The following FAT4 variants were observed in gnomAD, a reference collection of about 807,000 sequenced individuals.
The protein encoded by FAT4 is protocadherin Fat 4.
FAT4 carries 84 observed loss-of-function variants against 303.9 expected under a neutral mutation model. The observed-to-expected ratio is 0.28, with a 90% CI of 0.23 to 0.33. FAT4 has a LOEUF of 0.33. Among genes scored for constraint, FAT4 ranks in the 10% least tolerant of loss-of-function variants. FAT4 has a pLI of 1.00. For synonymous variants in FAT4, 2,307 were observed against 2,298.8 expected (o/e 1.00, Z -0.10); for missense variants, 6,005 against 6,146.8 (o/e 0.98, Z 0.77).
At chr4:125,371,906 A>G (rs1451262817) in intron 2 of FAT4, among the ~76,000 whole-genome samples, 2 of 152,108 alleles carry the variant, frequency 1.3e-5, no homozygotes, top group East Asian at 3.9e-4. Context: ...CAACTGCTCT[A>G]TTCCATCAGG....
intron 15 of FAT4, among the ~76,000 whole-genome samples, chr4:125,480,162 G>T (rs1221393994): frequency 1.3e-5 from 2 of 151,928 alleles, no homozygotes; most frequent in Non-Finnish European, 2.9e-5. Flanking sequence ...CAATCTAAAA[G>T]ATCAAAGGTT....
intron 2 of FAT4, among the ~76,000 whole-genome samples, chr4:125,379,846 T>C (rs1431858582): frequency 6.6e-6 from 1 of 151,888 alleles, no homozygotes; most frequent in Non-Finnish European, 1.5e-5. Flanking sequence ...CACACATATA[T>C]ATGTATACAT....
At chr4:125,409,883 A>G (rs938630630) in intron 5 of FAT4, among the ~76,000 whole-genome samples, 1 of 152,184 alleles carries the variant, frequency 6.6e-6, no homozygotes, top group African/African-American at 2.4e-5. Flanking sequence ...TCTCATCAAT[A>G]TATAAAACAA....
In FAT4 at chr4:125,415,196, A is replaced by G; in HGVS notation, c.6233A>G (p.Asp2078Gly). ...VVFKAQATDP[D>G]SGPNSYIEYT... The stretch of plus-strand genomic sequence containing the variant: ...TTCAAAGCTCAAGCAACTGACCCAG[A>G]TAGTGGCCCAAACAGCTATATTGAG... Residue 2078 changes from aspartate (D) to glycine (G), a missense_variant, in exon 6 of 18, where the codon GAT (aspartate) becomes GGT (glycine). Physicochemically the swap from Asp to Gly is moderately conservative, Grantham distance 94. Coordinates refer to ENST00000394329, the MANE Select transcript of FAT4 (RefSeq NM_001291303.3). 6.2e-7 allele frequency: 1 copy of G among 1,614,126 alleles called. No individual in the cohort carries two copies. The highest frequency in any genetic ancestry group is 8.5e-7 in the Non-Finnish European group (1 of 1,179,996).
chr4:125,428,156 A>T (rs1848579), intron 7 of FAT4, among the ~76,000 whole-genome samples: 1 of 151,996 alleles, frequency 6.6e-6, no homozygotes, highest in Non-Finnish European at 1.5e-5. Context: ...AAATTAGCCA[A>T]GTATGGTGAC....
Position 125,451,088 on chromosome 4 carries a change from T to A in FAT4, c.10078T>A (p.Ser3360Thr). ...TAAGAAGACTGGACAGATTTATGTT[T>A]CTGGAATTCTTGATCGAGAAAAAGA... ...INKKTGQIYV[S>T]GILDREKEER... is the part of the protein sequence containing the mutation. Residue 3360 changes from serine to threonine, a missense_variant, in exon 10 of 18, where the codon TCT becomes ACT. Transcript: ENST00000394329. 1 of 1,614,130 alleles carries A rather than the reference T, an allele frequency of 6.2e-7. No individual in the cohort carries two copies. Among genetic ancestry groups the A allele is most frequent in the Non-Finnish European group, 8.5e-7 (1 of 1,180,018 alleles).
At chr4:125,362,155 T>A (rs534089736) in intron 2 of FAT4, among the ~76,000 whole-genome samples, 1 of 152,288 alleles carries the variant, frequency 6.6e-6, no homozygotes, top group South Asian at 2.1e-4. Context: ...TTCCTTGCAT[T>A]GTTATTTTGT....
At chr4:125,418,881 C>A (rs901589150) in intron 7 of FAT4, among the ~76,000 whole-genome samples, 11 of 96,902 alleles carry the variant, frequency 1.1e-4, no homozygotes, top group African/African-American at 4.4e-4. Context: ...TTTGCCTTAC[C>A]ATTTTCTCAT....
intron 10 of FAT4, among the ~76,000 whole-genome samples, chr4:125,456,448 A>G (rs1010426351): frequency 1.3e-5 from 2 of 152,206 alleles, no homozygotes; most frequent in African/African-American, 4.8e-5. Flanking sequence ...TTGAATGATT[A>G]AGATGAATCT....
In FAT4 at chr4:125,343,505, T is replaced by C. The variant is rs78972336; in HGVS notation, c.5175+21919T>C. Among the ~76,000 whole-genome samples, 1,471 of 152,038 alleles carry C rather than the reference T, an allele frequency of 9.7e-3. 23 individuals are homozygous for C. Among genetic ancestry groups the C allele is most frequent in the African/African-American group, 0.034 (1,402 of 41,452 alleles). The stretch of plus-strand genomic sequence containing the variant: ...CCATTTGCTAAGAAGAAAAAAAAAA[T>C]GAAGAAACTTAAATTTCATCTCTTA... On this transcript the variant is annotated intron_variant, in intron 2 of 17. Coordinates refer to ENST00000394329, the MANE Select transcript of FAT4 (RefSeq NM_001291303.3).
At position 125,415,197 on chromosome 4, in the gene FAT4, T is replaced by C. The variant is rs1578616858; in HGVS notation, c.6234T>C (p.Asp2078=). 8 of 1,614,122 alleles carry C rather than the reference T, an allele frequency of 5.0e-6. No homozygotes were observed. Among genetic ancestry groups the C allele is most frequent in the South Asian group, 2.2e-5 (2 of 91,086 alleles). The part of the protein sequence containing the change: ...VVFKAQATDP[D]SGPNSYIEYT... ...TCAAAGCTCAAGCAACTGACCCAGA[T>C]AGTGGCCCAAACAGCTATATTGAGT... Residue 2078 remains aspartate (D), a synonymous_variant, in exon 6 of 18, where the codon GAT becomes GAC. Coordinates refer to ENST00000394329, the MANE Select transcript of FAT4 (RefSeq NM_001291303.3).
At chr4:125,362,162 TTGTTA>T (rs1732700209) in intron 2 of FAT4, among the ~76,000 whole-genome samples, 1 of 152,172 alleles carries the variant, frequency 6.6e-6, no homozygotes, top group Admixed American at 6.6e-5. Context: ...CATTGTTATT[TTGTTA>T]TATTTACCCT....
chr4:125,477,166 T>C lies in FAT4; in HGVS notation c.12311T>C (p.Val4104Ala). 7.3e-7 allele frequency: 1 copy of C among 1,363,082 alleles called. No individual in the cohort carries two copies. The highest frequency in any genetic ancestry group is 9.5e-7 in the Non-Finnish European group (1 of 1,047,226). The allele number at this position is 1,363,082 out of a possible 1,614,324, so 84.4% of individuals were successfully genotyped here. The change falls in exon 14 of 18, where the codon GTT (valine) becomes GCT (alanine). Residue 4104 changes from valine to alanine, a missense_variant. Val to Ala is a moderately conservative substitution (Grantham distance 64). Transcript: ENST00000394329. The part of the protein sequence containing the change: ...VAVSDDWTLD[V>A]QPNRVTVGGI... ...CATTATTTATTTAGGACTCTTGATGTTCAGCCAAATAGAGTTACAGTTGGA... is the reference window on the plus strand; with the variant it reads ...CATTATTTATTTAGGACTCTTGATGCTCAGCCAAATAGAGTTACAGTTGGA...
chr4:125,491,343 G>C lies in FAT4; in HGVS notation c.14527G>C (p.Asp4843His), dbSNP rs764460218. ...DGIPAPESSS[D>H]SDSHESFTCS... ...CATTCCAGCTCCAGAATCCTCTTCT[G>C]ATAGTGACTCCCATGAATCTTTCAC... The change falls in exon 18 of 18, where the codon GAT (aspartate) becomes CAT (histidine). Residue 4843 changes from aspartate (D) to histidine (H), a missense_variant. Physicochemically the swap from Asp to His is moderately conservative, Grantham distance 81. Transcript: ENST00000394329. 2 of 1,614,180 alleles carry C rather than the reference G, an allele frequency of 1.2e-6. No homozygotes were observed. The highest frequency in any genetic ancestry group is 1.7e-6 in the Non-Finnish European group (2 of 1,180,032).
intron 7 of FAT4, among the ~76,000 whole-genome samples, chr4:125,423,270 C>T (rs1724969896): frequency 6.9e-6 from 1 of 144,302 alleles, no homozygotes; most frequent in South Asian, 2.2e-4. Context: ...TCGACAGCCT[C>T]TCCCATCACA....
At position 125,317,261 on chromosome 4, in the gene FAT4, G is replaced by A. The variant is rs1291876086; in HGVS notation, c.850G>A (p.Asp284Asn). Residue 284 changes from aspartate to asparagine, a missense_variant, in exon 2 of 18, where the codon GAC (aspartate) becomes AAC (asparagine). Asp to Asn is a conservative substitution (Grantham distance 23). Transcript: ENST00000394329. This position sits in a 1 kb window ranked among gnomAD's most constrained non-coding sequence, Gnocchi z 7.0. ...AADADEGTNA[D>N]IRYRLQDEGT... ...GGACGCGGACGAGGGCACCAACGCGGACATCCGCTATCGCCTGCAGGACGA... is the reference window on the plus strand; with the variant it reads ...GGACGCGGACGAGGGCACCAACGCGAACATCCGCTATCGCCTGCAGGACGA... 5 of 1,580,254 alleles carry A rather than the reference G, an allele frequency of 3.2e-6. No individual in the cohort carries two copies. In the Admixed American group the frequency reaches 6.9e-5, roughly 22 times the overall value.
chr4:125,387,924 C>G (rs1252798325), intron 2 of FAT4, among the ~76,000 whole-genome samples: 1 of 152,142 alleles, frequency 6.6e-6, no homozygotes, highest in Non-Finnish European at 1.5e-5. Flanking sequence ...ACAAAAATCT[C>G]AAAGGCCTAC....
At chr4:125,379,172 A>G (rs918581057) in intron 2 of FAT4, among the ~76,000 whole-genome samples, 4 of 152,126 alleles carry the variant, frequency 2.6e-5, no homozygotes, top group Non-Finnish European at 5.9e-5. Flanking sequence ...GTGAGAACAA[A>G]TTTAATTTAT....
chr4:125,341,676 C>T (rs1353300402), intron 2 of FAT4, among the ~76,000 whole-genome samples: 1 of 151,750 alleles, frequency 6.6e-6, no homozygotes, highest in Non-Finnish European at 1.5e-5. Flanking sequence ...TTACCTGCAC[C>T]AATCAAGATA....
Sources: gnomAD v4.1 joint callset for allele counts (sites outside exome capture counted in the v4.1 genomes callset) on GRCh38, gnomAD v4.1.1 for gene constraint, Gnocchi (gnomAD v3.1) non-coding constraint, MANE v1.5 for transcripts, NCBI Gene and HGNC (gene_info 2026-07-23, HGNC 2026-07-21) for gene names.